The following DNAJC21 variants were observed in gnomAD, a reference collection of about 807,000 sequenced individuals.
DNAJC21 encodes the protein DnaJ heat shock protein family (Hsp40) member C21.
A neutral mutation model predicts 72.4 loss-of-function variants in DNAJC21; 63 were observed. The ratio of observed to expected loss-of-function variants is 0.87; its 90% CI spans 0.71 to 1.07. The LOEUF is 1.07. Ranked by LOEUF, DNAJC21 falls within the 50% of genes least tolerant of loss-of-function variation. DNAJC21 has a pLI of 0.00. For synonymous variants in DNAJC21, 203 were observed against 216.7 expected, an observed-to-expected ratio of 0.94 and a Z score of 0.56; for missense variants, 634 against 644.8, an observed-to-expected ratio of 0.98 and a Z score of 0.18.
At chr5:34,932,724 G>T (rs1764639767) in intron 1 of DNAJC21, among the ~76,000 whole-genome samples, 1 of 152,206 alleles carries the variant, frequency 6.6e-6, no homozygotes, top group African/African-American at 2.4e-5. Context: ...GCAGGCCTCA[G>T]TGCTCTGCCG....
chr5:34,954,461 A>G (rs756175474), intron 11 of DNAJC21, 92 bp from the exon 12 acceptor site: 21 of 1,408,678 alleles, frequency 1.5e-5, no homozygotes, highest in African/African-American at 7.3e-5. Flanking sequence ...TTATTTTACA[A>G]TTGTTTGATG....
At chr5:34,952,370 A>T (rs755960540) in intron 10 of DNAJC21, 7 of 523,748 alleles carry the variant, frequency 1.3e-5, no homozygotes, top group Admixed American at 6.4e-5. Flanking sequence ...AATCCTACAC[A>T]ATATGTTACA....
intron 4 of DNAJC21, among the ~76,000 whole-genome samples, chr5:34,937,115 T>C (rs1764805858): frequency 6.6e-6 from 1 of 152,240 alleles, no homozygotes; most frequent in South Asian, 2.1e-4. Context: ...ATCTAGTGAT[T>C]AGTAAGGCTA....
rs569904318 is a variant in DNAJC21, at chr5:34,946,501, A to T, written c.1185+698A>T. On this transcript the variant is annotated intron_variant, in intron 9 of 11. Coordinates refer to ENST00000648817, the MANE Select transcript of DNAJC21 (RefSeq NM_001012339.3). The stretch of plus-strand genomic sequence containing the variant: ...AAACACATTAATGCTTTTTAATAAA[A>T]CTTCAGATTTGGTTTATTTATCCAA... Among the ~76,000 whole-genome samples the T allele has an allele frequency of 3.3e-5, 5 of 152,216 alleles. No individual in the cohort carries two copies. In the South Asian group the frequency reaches 1.0e-3, roughly 32 times the overall value.
At chr5:34,934,841 G>T (rs1024080596) in intron 2 of DNAJC21, among the ~76,000 whole-genome samples, 4 of 152,174 alleles carry the variant, frequency 2.6e-5, no homozygotes, top group African/African-American at 7.2e-5. Context: ...AGGCTGCAAA[G>T]AAAATTCTTA....
At position 34,954,871 on chromosome 5, in the gene DNAJC21, ATAT is replaced by A. The variant is rs1255241930; in HGVS notation, c.*159_*161del. ...TAAAAACACTTTTTTGGTTTAATAT[ATAT>A]TTTTAAAACATTTCACTAGTGATTG... On this transcript the variant is annotated 3_prime_UTR_variant, in exon 12 of 12. Transcript: ENST00000648817. 5.7e-6 allele frequency: 5 copies of A among 880,822 alleles called. No individual in the cohort carries two copies. In the Admixed American group the frequency reaches 1.5e-4, roughly 26 times the overall value. The allele number at this position is 880,822 out of a possible 1,614,324, so 54.6% of individuals were successfully genotyped here.
At chr5:34,948,957 G>A (rs189739850) in intron 9 of DNAJC21, among the ~76,000 whole-genome samples, 147 of 152,200 alleles carry the variant, frequency 9.7e-4, no homozygotes, top group African/African-American at 3.4e-3. Flanking sequence ...GTAATAGAGG[G>A]AGAAAATCAC....
intron 10 of DNAJC21, among the ~76,000 whole-genome samples, chr5:34,953,020 C>T (rs953584944): frequency 4.0e-5 from 6 of 151,890 alleles, no homozygotes; most frequent in East Asian, 2.0e-4. Context: ...TATGGTGGCA[C>T]GTGCCTGTAA....
At chr5:34,933,699 G>A in intron 1 of DNAJC21, 116 bp from the exon 2 acceptor site, 1 of 676,500 alleles carries the variant, frequency 1.5e-6, no homozygotes, top group Non-Finnish European at 2.5e-6. Flanking sequence ...CTTGGCCCTG[G>A]TTGTTTCTTG....
intron 2 of DNAJC21, among the ~76,000 whole-genome samples, chr5:34,935,066 A>G (rs1764726422): frequency 6.6e-6 from 1 of 152,148 alleles, no homozygotes; most frequent in Admixed American, 6.5e-5. Context: ...CTTGCCTAGT[A>G]ACTCTCTTTT....
rs541503410 is a variant in DNAJC21, at chr5:34,935,797, C to T, written c.279C>T (p.Thr93=). The part of the protein sequence containing the change: ...DDSLDLLRYF[T]VTCYSGYGDD... The stretch of plus-strand genomic sequence containing the variant: ...GCTTAGATTTGCTACGCTATTTCAC[C>T]GTTACCTGTTATTCTGGTTATGGAG... Residue 93 remains threonine (T), a synonymous_variant, in exon 3 of 12, where the codon ACC becomes ACT. Coordinates refer to ENST00000648817, the MANE Select transcript of DNAJC21 (RefSeq NM_001012339.3). 30 of 1,613,954 alleles carry T rather than the reference C, an allele frequency of 1.9e-5. No individual in the cohort carries two copies. The highest frequency in any genetic ancestry group is 8.9e-5 in the East Asian group (4 of 44,838).
At position 34,929,836 on chromosome 5, in the gene DNAJC21, A is replaced by T; in HGVS notation, c.17A>T (p.Glu6Val). The T allele has an allele frequency of 6.5e-7, 1 of 1,549,906 alleles. No individual in the cohort carries two copies. The highest frequency in any genetic ancestry group is 1.8e-5 in the Admixed American group (1 of 55,074). MKCHY[E>V]ALGVRRDASE... ...GGTCGGGCGATGAAGTGTCACTATGAGGCGCTGGGGGTGCGGCGCGACGCC... is the reference window on the plus strand; with the variant it reads ...GGTCGGGCGATGAAGTGTCACTATGTGGCGCTGGGGGTGCGGCGCGACGCC... The change falls in exon 1 of 12, where the codon GAG (glutamate) becomes GTG (valine). Residue 6 changes from glutamate to valine, a missense_variant. Glu to Val is a moderately radical substitution (Grantham distance 121). Transcript: ENST00000648817.
At chr5:34,932,640 T>C (rs1039660539) in intron 1 of DNAJC21, among the ~76,000 whole-genome samples, 34 of 152,192 alleles carry the variant, frequency 2.2e-4, no homozygotes, top group Non-Finnish European at 4.6e-4. Flanking sequence ...GTTTTGGCTT[T>C]CTCATTGTCT....
At chr5:34,938,045 G>A (rs548328157) in intron 5 of DNAJC21, among the ~76,000 whole-genome samples, 7 of 152,160 alleles carry the variant, frequency 4.6e-5, no homozygotes, top group Non-Finnish European at 5.9e-5. Flanking sequence ...CGATCTGCCC[G>A]CCTCAGCCTC....
At chr5:34,930,803 T>G (rs1328065984) in intron 1 of DNAJC21, among the ~76,000 whole-genome samples, 1 of 152,226 alleles carries the variant, frequency 6.6e-6, no homozygotes. Context: ...GACAGGGGTC[T>G]TAGAGTCTTG....
At chr5:34,933,470 A>G (rs540766738) in intron 1 of DNAJC21, among the ~76,000 whole-genome samples, 6 of 152,080 alleles carry the variant, frequency 3.9e-5, no homozygotes, top group Non-Finnish European at 8.8e-5. Context: ...ACGGGGTTTC[A>G]CCATGTTGAC....
chr5:34,939,257 G>A (rs1022181188), intron 6 of DNAJC21, among the ~76,000 whole-genome samples: 2 of 151,748 alleles, frequency 1.3e-5, no homozygotes, highest in Non-Finnish European at 2.9e-5. Context: ...TTACAAGTGT[G>A]ACTATTTTTT....
Position 34,933,835 on chromosome 5 carries a change from G to C in DNAJC21, c.118G>C (p.Ala40Pro), listed in dbSNP as rs775999023. The change falls in exon 2 of 12, where the codon GCA becomes CCA. Residue 40 changes from alanine to proline, a missense_variant. Physicochemically the swap from Ala to Pro is conservative, Grantham distance 27. Transcript: ENST00000648817. ...AACAGATAAAAATCTGGATAATGCCGCAGAAGCAGCTGAACAATTTAAATT... is the reference window on the plus strand; with the variant it reads ...AACAGATAAAAATCTGGATAATGCCCCAGAAGCAGCTGAACAATTTAAATT... ...WHPDKNLDNA[A>P]EAAEQFKLIQ... The C allele has an allele frequency of 6.2e-7, 1 of 1,613,380 alleles. No individual in the cohort carries two copies. The highest frequency in any genetic ancestry group is 2.2e-5 in the East Asian group (1 of 44,866).
intron 8 of DNAJC21, among the ~76,000 whole-genome samples, 199 bp from the exon 9 acceptor site, chr5:34,945,562 A>G (rs1305536277): frequency 2.0e-5 from 3 of 152,226 alleles, no homozygotes; most frequent in Non-Finnish European, 4.4e-5. Context: ...ATTACTATCC[A>G]TTGAACTACA....
Sources: allele counts gnomAD v4.1 joint callset (sites outside exome capture counted in the v4.1 genomes callset), GRCh38; gene constraint gnomAD v4.1.1; transcripts MANE v1.5; gene names NCBI Gene and HGNC (gene_info 2026-07-23, HGNC 2026-07-21).